The following MAPT variants were observed in gnomAD, a reference collection of about 807,000 sequenced individuals.
The protein encoded by MAPT is microtubule-associated protein tau.
A neutral mutation model predicts 67.9 loss-of-function variants in MAPT; 34 were observed. That is an observed-to-expected ratio of 0.50 (90% CI 0.38 to 0.67). The LOEUF (loss-of-function observed/expected upper bound fraction) is 0.67, where lower values mean the gene tolerates loss of function less well. MAPT is among the 30% of genes least tolerant of loss of function. The pLI, the probability that MAPT is intolerant of heterozygous loss-of-function variation, is 0.00. For synonymous variants in MAPT, 456 were observed against 464.5 expected, an observed-to-expected ratio of 0.98 and a Z score of 0.23; for missense variants, 881 against 1,115.2, an observed-to-expected ratio of 0.79 and a Z score of 2.99.
chr17:45,983,873 A>G lies in MAPT; in HGVS notation c.1294A>G (p.Lys432Glu), dbSNP rs758843930. ...KEADLPEPSE[K>E]QPAAAPRGKP... ...GGCTGACCTTCCAGAGCCCTCTGAA[A>G]AGCAGCCTGCTGCTGCTCCGCGGGG... is the stretch of plus-strand genomic sequence containing the variant. Residue 432 changes from lysine to glutamate, a missense_variant, in exon 5 of 13, where the codon AAG (lysine) becomes GAG (glutamate). By Grantham distance (56) the Lys-to-Glu change is moderately conservative. Coordinates refer to ENST00000262410, the MANE Select transcript of MAPT (RefSeq NM_001377265.1). The G allele has an allele frequency of 1.9e-6, 3 of 1,598,412 alleles. No homozygotes were observed. The highest frequency in any genetic ancestry group is 2.6e-6 in the Non-Finnish European group (3 of 1,174,488).
chr17:45,968,955 T>G (rs1162022674), intron 2 of MAPT, among the ~76,000 whole-genome samples: 3 of 152,216 alleles, frequency 2.0e-5, no homozygotes, highest in Non-Finnish European at 4.4e-5. Flanking sequence ...GGGAGAAAAC[T>G]GAGGCAGAGA....
intron 3 of MAPT, chr17:45,973,462 G>C (rs9896485): frequency 0.34 from 52,004 of 152,174 alleles, 10,629 homozygotes; most frequent in East Asian, 0.6. Context: ...AAGTCGCAAT[G>C]CCCTCTGGAC....
At chr17:45,976,108 A>AG (rs1292290004) in intron 3 of MAPT, 1 of 152,190 alleles carries the variant, frequency 6.6e-6, no homozygotes, top group Non-Finnish European at 1.5e-5. Flanking sequence ...ACATGATCTG[A>AG]GGCTCCCATG....
chr17:46,022,479 C>T (rs1419987963), intron 12 of MAPT, among the ~76,000 whole-genome samples: 7 of 148,410 alleles, frequency 4.7e-5, no homozygotes, highest in East Asian at 1.9e-4. Flanking sequence ...GTTTTCTCTA[C>T]GCCCATTCAA....
At chr17:45,919,078 A>G (rs994109133) in intron 1 of MAPT, among the ~76,000 whole-genome samples, 1 of 151,748 alleles carries the variant, frequency 6.6e-6, no homozygotes, top group East Asian at 1.9e-4. Flanking sequence ...AAAAAAAAAA[A>G]AGAAAAGAAA....
intron 9 of MAPT, among the ~76,000 whole-genome samples, chr17:46,003,880 C>G (rs1449581331): frequency 6.6e-6 from 1 of 152,166 alleles, no homozygotes; most frequent in East Asian, 1.9e-4. Flanking sequence ...TTTAAAGGAG[C>G]TTGGGTTCAT....
At chr17:46,021,487 T>C (rs1256736836) in intron 12 of MAPT, among the ~76,000 whole-genome samples, 1 of 152,188 alleles carries the variant, frequency 6.6e-6, no homozygotes, top group African/African-American at 2.4e-5. Flanking sequence ...TGGGTCTGGA[T>C]AGGGCCTGAG....
intron 9 of MAPT, among the ~76,000 whole-genome samples, chr17:46,005,475 TCAAGC>T (rs1328127734): frequency 6.6e-6 from 1 of 152,194 alleles, no homozygotes; most frequent in Non-Finnish European, 1.5e-5. Context: ...AAAATGATCG[TCAAGC>T]CTACAGGTGC....
intron 1 of MAPT, among the ~76,000 whole-genome samples, chr17:45,936,255 A>G (rs2144792826): frequency 6.6e-6 from 1 of 152,244 alleles, no homozygotes; most frequent in South Asian, 2.1e-4. Context: ...TGCCTTCCTC[A>G]TAATCTGCCC....
intron 3 of MAPT, chr17:45,978,023 C>T (rs1232629207): frequency 3.4e-6 from 1 of 294,898 alleles, no homozygotes; most frequent in East Asian, 7.6e-5. Context: ...TTAGACACAG[C>T]CTCCACAACC....
Position 45,955,230 on chromosome 17 carries a change from C to T in MAPT, c.-17-7091C>T, listed in dbSNP as rs182020960. Among the ~76,000 whole-genome samples the T allele has an allele frequency of 2.8e-3, 423 of 152,274 alleles. 2 individuals are homozygous for T. Among genetic ancestry groups the T allele is most frequent in the African/African-American group, 7.1e-3 (296 of 41,546 alleles). ...TGACCCCCATCCCCTATTTCCCAAC[C>T]GTCCAAGCCCACCTCTAGCATAATA... is the stretch of plus-strand genomic sequence containing the variant. On this transcript the variant is annotated intron_variant, in intron 1 of 12. Transcript: ENST00000262410.
chr17:45,971,745 T>TC lies in MAPT; in HGVS notation c.134-112dup. On this transcript the variant is annotated intron_variant, in intron 2 of 12. Transcript: ENST00000262410. This position sits in a 1 kb window ranked among gnomAD's most constrained non-coding sequence, Gnocchi z 4.3. Reference sequence around the variant, plus strand: ...GTTGCGAGGCCGTGTTCCAGCTGTTTCCACAGGGAGCGATTTTCAGCTCCA... The same window carrying TC: ...GTTGCGAGGCCGTGTTCCAGCTGTTTCCCACAGGGAGCGATTTTCAGCTCCA... 1 of 791,632 alleles carries TC rather than the reference T, an allele frequency of 1.3e-6. No homozygotes were observed. The highest frequency in any genetic ancestry group is 2.2e-6 in the Non-Finnish European group (1 of 450,036). 49.0% of individuals were successfully genotyped at this position (791,632 alleles called of 1,614,324 possible).
In MAPT at chr17:45,996,379, C is replaced by G. The variant is rs771530237; in HGVS notation, c.1733-20C>G. On this transcript the variant is annotated intron_variant, in intron 8 of 12. Coordinates refer to ENST00000262410, the MANE Select transcript of MAPT (RefSeq NM_001377265.1). This position sits in a 1 kb window ranked among gnomAD's most constrained non-coding sequence, Gnocchi z 4.5. The stretch of plus-strand genomic sequence containing the variant: ...CCCACCCACTCGAGTCCTGGCTTCA[C>G]TCCCTTCCTTCCTTCCCAGGTGAAC... 6.2e-7 allele frequency: 1 copy of G among 1,609,412 alleles called. No individual in the cohort carries two copies. The highest frequency in any genetic ancestry group is 1.1e-5 in the South Asian group (1 of 91,074).
chr17:45,999,301 G>A, intron 9 of MAPT: 1 of 1,613,622 alleles, frequency 6.2e-7, no homozygotes, highest in Non-Finnish European at 8.5e-7. Context: ...TGGAGGCCAA[G>A]TCTCATGCAT....
At chr17:45,922,325 C>T (rs2065817788) in intron 1 of MAPT, among the ~76,000 whole-genome samples, 2 of 152,174 alleles carry the variant, frequency 1.3e-5, no homozygotes, top group South Asian at 4.1e-4. Context: ...TGTTGGTTGC[C>T]ATCTTTTAAC....
intron 1 of MAPT, among the ~76,000 whole-genome samples, chr17:45,911,751 G>A (rs1239201839): frequency 1.3e-5 from 2 of 151,404 alleles, no homozygotes; most frequent in Admixed American, 6.6e-5. Flanking sequence ...GCGTCAGAAC[G>A]AGACCTGCTC....
intron 1 of MAPT, among the ~76,000 whole-genome samples, chr17:45,943,318 G>A (rs576071013): frequency 3.3e-5 from 5 of 152,290 alleles, no homozygotes; most frequent in East Asian, 1.9e-4. Flanking sequence ...GCCTCCCAAA[G>A]TGCTGGGATT....
At chr17:45,956,038 C>T (rs1035934757) in intron 1 of MAPT, among the ~76,000 whole-genome samples, 1 of 152,184 alleles carries the variant, frequency 6.6e-6, no homozygotes, top group African/African-American at 2.4e-5. Flanking sequence ...GCCTAGCCTC[C>T]TTCCATTTAA....
rs1299904143 is a variant in MAPT, at chr17:45,989,904, C to G, written c.1434C>G (p.Thr478=). The G allele has an allele frequency of 2.5e-6, 4 of 1,614,032 alleles. No individual in the cohort carries two copies. The highest frequency in any genetic ancestry group is 3.4e-6 in the Non-Finnish European group (4 of 1,180,044). ...CATCCACACGTTCCTCTGCTAAAAC[C>G]TTGAAAAATAGGCCTTGCCTTAGCC... ...AKTSTRSSAK[T]LKNRPCLSPK... Residue 478 remains threonine (T), a synonymous_variant, in exon 7 of 13, where the codon ACC becomes ACG. Transcript: ENST00000262410.
Sources: gnomAD v4.1 joint callset for allele counts (sites outside exome capture counted in the v4.1 genomes callset) on GRCh38, gnomAD v4.1.1 for gene constraint, Gnocchi (gnomAD v3.1) non-coding constraint, MANE v1.5 for transcripts, NCBI Gene and HGNC (gene_info 2026-07-23, HGNC 2026-07-21) for gene names.